NRG1: variants seen among roughly 807,000 people sequenced by gnomAD.
The protein encoded by NRG1 is pro-neuregulin-1, membrane-bound isoform.
A neutral mutation model predicts 63.8 loss-of-function variants in NRG1; 18 were observed. The ratio of observed to expected loss-of-function variants is 0.28; its 90% confidence interval spans 0.19 to 0.42. The LOEUF is 0.42. Ranked by LOEUF, NRG1 falls within the 10% of genes least tolerant of loss-of-function variation. The pLI, the probability that NRG1 is intolerant of heterozygous loss-of-function variation, is 1.00. For missense variants in NRG1, 762 were observed against 814.7 expected, an observed-to-expected ratio of 0.94 and a Z score of 0.79; for synonymous variants, 302 against 301.3, an observed-to-expected ratio of 1.00 and a Z score of -0.02.
intron 1 of NRG1, among the ~76,000 whole-genome samples, chr8:31,699,899 G>A (rs1810463298): frequency 6.6e-6 from 1 of 152,146 alleles, no homozygotes; most frequent in South Asian, 2.1e-4. Flanking sequence ...GAACAGGGAT[G>A]CTGGAAAAAG....
intron 1 of NRG1, among the ~76,000 whole-genome samples, chr8:32,056,050 C>G (rs534682074): frequency 1.3e-3 from 192 of 152,208 alleles, no homozygotes; most frequent in African/African-American, 4.5e-3. Flanking sequence ...AATTCACAGA[C>G]TCCTCTCCCC....
chr8:32,747,732 G>GTA (rs35663919), intron 7 of NRG1, among the ~76,000 whole-genome samples: 24,237 of 131,866 alleles, frequency 0.18, 2,139 homozygotes, highest in South Asian at 0.22. Flanking sequence ...ATGTGTGTGT[G>GTA]TATATATATA....
At chr8:32,348,069 G>A (rs1200720112) in intron 1 of NRG1, among the ~76,000 whole-genome samples, 3 of 152,092 alleles carry the variant, frequency 2.0e-5, no homozygotes, top group Admixed American at 6.6e-5. Flanking sequence ...ATGGTCAATG[G>A]ATTATTACCC....
intron 1 of NRG1, among the ~76,000 whole-genome samples, chr8:32,476,132 G>T (rs954366415): frequency 2.0e-5 from 3 of 152,178 alleles, no homozygotes; most frequent in Non-Finnish European, 2.9e-5. Flanking sequence ...TATTATAAAG[G>T]TGTATTTGAC....
rs1468869687 is a variant in NRG1 at position 31,980,647 on chromosome 8, T to C, written c.37+341216T>C. Among the ~76,000 whole-genome samples, 6 of 152,066 alleles carry C rather than the reference T, an allele frequency of 3.9e-5. No homozygotes were observed. In the East Asian group the frequency reaches 1.2e-3, roughly 29 times the overall value. ...ATTCTATTACCAGTAATATTTCTAG[T>C]TTCTTCTAAAATTACCATAAAGGTT... On this transcript the variant is annotated intron_variant, in intron 1 of 10. Coordinates refer to the NRG1 transcript ENST00000519301.
At chr8:32,235,856 CT>C (rs142722893) in intron 1 of NRG1, among the ~76,000 whole-genome samples, 4,836 of 152,182 alleles carry the variant, frequency 0.032, 109 homozygotes, top group Non-Finnish European at 0.046. Context: ...AAAGGTAGTC[CT>C]TGAATCACTT....
At chr8:32,083,762 CAT>C (rs746473254) in intron 1 of NRG1, among the ~76,000 whole-genome samples, 23 of 140,884 alleles carry the variant, frequency 1.6e-4, no homozygotes, top group Non-Finnish European at 2.8e-4. Flanking sequence ...TATTTCATGT[CAT>C]GTGATACAGT....
chr8:31,720,390 T>C (rs956804887), intron 1 of NRG1, among the ~76,000 whole-genome samples: 11 of 152,194 alleles, frequency 7.2e-5, no homozygotes, highest in Non-Finnish European at 1.5e-5. Context: ...CGTAAACATG[T>C]GTCACGGTAG....
intron 1 of NRG1, among the ~76,000 whole-genome samples, chr8:32,050,722 C>CTA (rs1281350527): frequency 2.0e-5 from 3 of 152,116 alleles, no homozygotes; most frequent in Non-Finnish European, 4.4e-5. Flanking sequence ...TGTAAGCTGT[C>CTA]TAGGCACCTT....
intron 1 of NRG1, among the ~76,000 whole-genome samples, chr8:31,948,817 A>G (rs562639935): frequency 5.3e-5 from 8 of 152,222 alleles, no homozygotes; most frequent in African/African-American, 1.7e-4. Context: ...CCTGCCCCCA[A>G]CAGGATGTGC....
chr8:32,248,065 A>G (rs1019969246), intron 1 of NRG1, among the ~76,000 whole-genome samples: 1 of 152,116 alleles, frequency 6.6e-6, no homozygotes, highest in Admixed American at 6.6e-5. Context: ...ACGTCTATTC[A>G]GCTTTTGTCC....
In NRG1 at chr8:31,726,042, A is replaced by T. The variant is rs372070189; in HGVS notation, c.37+86611A>T. On this transcript the variant is annotated intron_variant, in intron 1 of 10. Coordinates refer to the NRG1 transcript ENST00000519301. ...AGATTGCTACATATTTAAATATTTA[A>T]TGCAACAAGCATCCCACTTTATTAT... is the stretch of plus-strand genomic sequence containing the variant. Among the ~76,000 whole-genome samples the T allele has an allele frequency of 5.3e-5, 8 of 152,190 alleles. No homozygotes were observed. The East Asian group carries it at 1.2e-3, about 22-fold the overall frequency.
At chr8:31,999,720 T>C (rs984064095) in intron 1 of NRG1, among the ~76,000 whole-genome samples, 12 of 151,976 alleles carry the variant, frequency 7.9e-5, no homozygotes, top group Admixed American at 3.3e-4. Flanking sequence ...ATGAACAGGA[T>C]AGTCTCTCTC....
Position 31,640,164 on chromosome 8 carries a change from G to A in NRG1, c.37+733G>A. 8.5e-7 allele frequency: 1 copy of A among 1,182,080 alleles called. No homozygotes were observed. Among genetic ancestry groups the A allele is most frequent in the Non-Finnish European group, 1.0e-6 (1 of 956,040 alleles). 73.2% of individuals were successfully genotyped at this position (1,182,080 alleles called of 1,614,324 possible). ...ACGAGGCGGCTCCCGCGGGGGCCTC[G>A]GTGTGCTACTCGTCCCCGCCCAGCG... On this transcript the variant is annotated intron_variant, in intron 1 of 10. Transcript: ENST00000519301. The surrounding 1 kb of genome is among the most constrained non-coding windows in gnomAD (Gnocchi z 6.3).
At chr8:31,730,353 T>C (rs1171360188) in intron 1 of NRG1, among the ~76,000 whole-genome samples, 2 of 152,112 alleles carry the variant, frequency 1.3e-5, no homozygotes, top group African/African-American at 4.8e-5. Flanking sequence ...GCTGGGGATA[T>C]AAATGACATA....
At chr8:32,393,212 C>T (rs1346186168) in intron 1 of NRG1, among the ~76,000 whole-genome samples, 1 of 152,022 alleles carries the variant, frequency 6.6e-6, no homozygotes, top group Non-Finnish European at 1.5e-5. Flanking sequence ...TTTTCTCCCA[C>T]AGGCCACAAA....
chr8:32,468,642 C>T (rs1239906623), intron 1 of NRG1, among the ~76,000 whole-genome samples: 1 of 151,888 alleles, frequency 6.6e-6, no homozygotes, highest in African/African-American at 2.4e-5. Context: ...CCACTTATTA[C>T]TCTATTCACT....
intron 1 of NRG1, among the ~76,000 whole-genome samples, chr8:32,495,032 C>T (rs1827031856): frequency 6.6e-6 from 1 of 152,196 alleles, no homozygotes; most frequent in Non-Finnish European, 1.5e-5. Flanking sequence ...TTTCCCATTC[C>T]TTCTGTGATT....
intron 1 of NRG1, among the ~76,000 whole-genome samples, chr8:32,556,474 T>C (rs1401651654): frequency 6.6e-6 from 1 of 152,218 alleles, no homozygotes; most frequent in African/African-American, 2.4e-5. Context: ...TAGCAGATAG[T>C]TGTTATTGCA....
Sources: allele counts gnomAD v4.1 joint callset (sites outside exome capture counted in the v4.1 genomes callset), GRCh38; gene constraint gnomAD v4.1.1; non-coding constraint Gnocchi (gnomAD v3.1); transcripts MANE v1.5; gene names NCBI Gene and HGNC (gene_info 2026-07-23, HGNC 2026-07-21).